Variants in EYA2 observed in about 807,000 individuals in gnomAD.
The protein encoded by EYA2 is EYA transcriptional coactivator and phosphatase 2, also known as protein phosphatase EYA2.
A neutral mutation model predicts 69.2 loss-of-function variants in EYA2; 31 were observed. The ratio of observed to expected loss-of-function variants is 0.45; its 90% CI spans 0.34 to 0.60. The LOEUF (loss-of-function observed/expected upper bound fraction) is 0.60. EYA2 is among the 20% of genes least tolerant of loss of function. EYA2 has a pLI of 0.02. For synonymous variants in EYA2, 257 were observed against 279.4 expected (o/e 0.92, Z 0.80); for missense variants, 622 against 701.2 (o/e 0.89, Z 1.28).
At chr20:46,964,084 A>G (rs928852765) in intron 1 of EYA2, among the ~76,000 whole-genome samples, 6 of 152,254 alleles carry the variant, frequency 3.9e-5, no homozygotes, top group African/African-American at 1.4e-4. Context: ...AGTGTGTTGC[A>G]CATGAGGTCA....
intron 5 of EYA2, among the ~76,000 whole-genome samples, chr20:47,052,970 T>G (rs1336775672): frequency 1.3e-5 from 2 of 152,188 alleles, no homozygotes; most frequent in African/African-American, 2.4e-5. Context: ...TAGGACCTGG[T>G]GTCATTGAGT....
intron 1 of EYA2, among the ~76,000 whole-genome samples, chr20:46,961,110 G>C (rs963975209): frequency 6.6e-6 from 1 of 152,148 alleles, no homozygotes; most frequent in Non-Finnish European, 1.5e-5. Context: ...CGAGGCAGGC[G>C]GGTCACCTGA....
chr20:46,929,392 A>G (rs1449714249), intron 1 of EYA2, among the ~76,000 whole-genome samples: 1 of 142,760 alleles, frequency 7.0e-6, no homozygotes, highest in Non-Finnish European at 1.5e-5. Flanking sequence ...GGGAGGCAGG[A>G]GAAAAAGCTT....
chr20:46,958,343 C>T (rs911703567), intron 1 of EYA2, among the ~76,000 whole-genome samples: 13 of 152,048 alleles, frequency 8.5e-5, no homozygotes, highest in Admixed American at 3.3e-4. Flanking sequence ...CCTCATTTCT[C>T]GCCAACTGAG....
At chr20:46,992,256 A>G (rs183274876) in intron 2 of EYA2, among the ~76,000 whole-genome samples, 1 of 152,258 alleles carries the variant, frequency 6.6e-6, no homozygotes, top group Admixed American at 6.5e-5. Flanking sequence ...ACAACTCTAA[A>G]AAGTGGGTAC....
chr20:46,989,358 C>T (rs1047210544), intron 1 of EYA2, among the ~76,000 whole-genome samples: 11 of 151,886 alleles, frequency 7.2e-5, no homozygotes, highest in African/African-American at 1.7e-4. Flanking sequence ...CTCTGCCTCC[C>T]GGGTTCAAGC....
At chr20:47,043,642 A>C (rs1303981566) in intron 5 of EYA2, among the ~76,000 whole-genome samples, 1 of 152,196 alleles carries the variant, frequency 6.6e-6, no homozygotes, top group African/African-American at 2.4e-5. Context: ...TCTCTGTTCC[A>C]CAGTATCTTT....
intron 1 of EYA2, among the ~76,000 whole-genome samples, chr20:46,930,051 G>T (rs186171040): frequency 1.3e-5 from 2 of 152,152 alleles, no homozygotes; most frequent in Admixed American, 6.5e-5. Context: ...TAGGAGGAGC[G>T]TAAAAGCAAG....
chr20:47,136,071 T>C (rs878918528), intron 9 of EYA2, among the ~76,000 whole-genome samples: 1 of 152,036 alleles, frequency 6.6e-6, no homozygotes, highest in Admixed American at 6.6e-5. Flanking sequence ...AAAAAAGTCT[T>C]TAATGGATAG....
chr20:46,985,186 A>G (rs554762766), intron 1 of EYA2, among the ~76,000 whole-genome samples: 1 of 152,194 alleles, frequency 6.6e-6, no homozygotes, highest in African/African-American at 2.4e-5. Context: ...TGATGGCTCA[A>G]ATAAGATTTC....
At chr20:47,072,363 C>A in intron 6 of EYA2, 111 bp downstream of exon 6, 2 of 1,038,222 alleles carry the variant, frequency 1.9e-6, no homozygotes, top group Non-Finnish European at 1.5e-6. Context: ...GGGAACCTGC[C>A]TCTTAGTCCC....
intron 1 of EYA2, among the ~76,000 whole-genome samples, chr20:46,986,211 G>T (rs1981171412): frequency 6.6e-6 from 1 of 151,242 alleles, no homozygotes; most frequent in African/African-American, 2.4e-5. Context: ...CAGGCACCCA[G>T]GATGCATGTA....
chr20:47,074,362 T>G (rs1205582914), intron 7 of EYA2, 27 bp downstream of exon 7: 1 of 1,610,310 alleles, frequency 6.2e-7, no homozygotes, highest in East Asian at 2.2e-5. Flanking sequence ...GTGGGGCCAT[T>G]CATGGCTGTG....
chr20:46,895,191 C>G (rs1271266073), intron 1 of EYA2, among the ~76,000 whole-genome samples: 3 of 152,224 alleles, frequency 2.0e-5, no homozygotes, highest in Admixed American at 1.3e-4. Flanking sequence ...GCAGAGCCCC[C>G]CTCTGGAAAG....
chr20:46,905,089 A>T (rs931137488), intron 1 of EYA2, among the ~76,000 whole-genome samples: 1 of 152,224 alleles, frequency 6.6e-6, no homozygotes, highest in African/African-American at 2.4e-5. Context: ...ATTAAAAAAA[A>T]GTCTATTCAG....
intron 10 of EYA2, chr20:47,167,004 T>C (rs765803807): frequency 6.5e-6 from 1 of 154,800 alleles, no homozygotes; most frequent in Non-Finnish European, 1.5e-5. Flanking sequence ...ACTCATGATA[T>C]GTTTGCCCCA....
intron 9 of EYA2, among the ~76,000 whole-genome samples, chr20:47,116,661 G>A (rs965350154): frequency 2.0e-5 from 3 of 152,142 alleles, no homozygotes; most frequent in Admixed American, 6.5e-5. Context: ...AGTGGCCCAG[G>A]CATTGACCTG....
intron 9 of EYA2, among the ~76,000 whole-genome samples, chr20:47,098,125 T>G (rs1325172078): frequency 6.6e-6 from 1 of 152,218 alleles, no homozygotes; most frequent in Non-Finnish European, 1.5e-5. Flanking sequence ...TCGTCTGCCA[T>G]TATGTTGTAA....
chr20:47,120,327 G>C (rs1195362518), intron 9 of EYA2, among the ~76,000 whole-genome samples: 1 of 152,072 alleles, frequency 6.6e-6, no homozygotes, highest in Non-Finnish European at 1.5e-5. Context: ...GGTGAGCTAT[G>C]ATCGCACCAC....
Sources: allele counts gnomAD v4.1 joint callset (sites outside exome capture counted in the v4.1 genomes callset), GRCh38; gene constraint gnomAD v4.1.1; transcripts MANE v1.5; gene names NCBI Gene and HGNC (gene_info 2026-07-23, HGNC 2026-07-21).